Variants in IGF2R observed in about 807,000 individuals in gnomAD.
The protein encoded by IGF2R is insulin like growth factor 2 receptor.
IGF2R carries 91 observed loss-of-function variants against 270.6 expected under a neutral mutation model. The ratio of observed to expected loss-of-function variants is 0.34; its 90% CI spans 0.28 to 0.40. The LOEUF is 0.40. IGF2R is among the 10% of genes least tolerant of loss of function. IGF2R has a pLI of 1.00. For missense variants in IGF2R, 2,805 were observed against 3,188.3 expected (o/e 0.88, Z 2.90); for synonymous variants, 1,316 against 1,258.9 (o/e 1.05, Z -0.96).
At position 160,072,076 on chromosome 6, in the gene IGF2R, G is replaced by GA. The variant is rs754934239; in HGVS notation, c.4570+41dup. The GA allele has an allele frequency of 3.7e-6, 6 of 1,612,248 alleles. No homozygotes were observed. In the East Asian group the frequency reaches 1.3e-4, roughly 36 times the overall value. On this transcript the variant is annotated intron_variant, in intron 32 of 47. Transcript: ENST00000356956. ...CAGTCGTTAACCCCAGCGCAGGTGA[G>GA]AGACGGTGCCCCCACCAAACCCAGC...
rs137872075 is a variant in IGF2R, at chr6:159,990,672, C to T, written c.150-512C>T. Among the ~76,000 whole-genome samples the T allele has an allele frequency of 8.5e-4, 129 of 152,090 alleles. 3 individuals carry two copies. The East Asian group carries it at 0.014, about 16-fold the overall frequency. ...GGAGACAGAGTCTCGCACTGTTGAC[C>T]GAGCTGGAGTGCAGTGGCACGATCT... On this transcript the variant is annotated intron_variant, in intron 1 of 47. Coordinates refer to ENST00000356956, the MANE Select transcript of IGF2R (RefSeq NM_000876.4).
chr6:160,096,693 G>A (rs535381026), intron 45 of IGF2R, 68 bp downstream of exon 45: 3 of 1,262,158 alleles, frequency 2.4e-6, no homozygotes, highest in Admixed American at 2.4e-5. Flanking sequence ...GTGTATGTGT[G>A]TTTTTTCCCC....
chr6:160,058,994 T>C lies in IGF2R; in HGVS notation c.2987T>C (p.Leu996Pro). ...GCEAETQTEE[L>P]KNWKPARPVG... Reference sequence around the variant, plus strand: ...GAGGCAGAAACCCAAACTGAAGAGCTCAAGAATTGGAAGCCAGCAAGGCCA... The same window carrying C: ...GAGGCAGAAACCCAAACTGAAGAGCCCAAGAATTGGAAGCCAGCAAGGCCA... Residue 996 changes from leucine (L) to proline (P), a missense_variant, in exon 22 of 48, where the codon CTC becomes CCC. Around this residue, in one of 2 missense-constraint regions of IGF2R, gnomAD observed 1,851 missense variants for 2,207.2 expected, o/e 0.84. Transcript: ENST00000356956. 3 of 1,614,150 alleles carry C rather than the reference T, an allele frequency of 1.9e-6. No homozygotes were observed. The highest frequency in any genetic ancestry group is 2.5e-6 in the Non-Finnish European group (3 of 1,180,028).
Position 160,061,922 on chromosome 6 carries a change from G to C in IGF2R, c.3576G>C (p.Gln1192His). The C allele has an allele frequency of 4.3e-6, 7 of 1,614,092 alleles. No homozygotes were observed. The highest frequency in any genetic ancestry group is 2.7e-5 in the African/African-American group (2 of 75,034). ...FSTRITFECA[Q>H]ISGSPAFQLQ... is the part of the protein sequence containing the mutation. ...CCAGGATCACGTTTGAGTGTGCTCA[G>C]ATATCGGTGTGTGTTCAGACCAGCA... The change falls in exon 25 of 48, where the codon CAG becomes CAC. Residue 1192 changes from glutamine (Q) to histidine (H), a missense_variant. Transcript: ENST00000356956.
At chr6:159,999,119 C>T (rs1387515938) in intron 2 of IGF2R, among the ~76,000 whole-genome samples, 2 of 152,152 alleles carry the variant, frequency 1.3e-5, no homozygotes, top group Admixed American at 1.3e-4. Context: ...AGCCACATCT[C>T]AAGAAGTCAC....
rs562810196 is a variant in IGF2R at position 160,056,219 on chromosome 6, C to T, written c.2695-205C>T. 4.6e-5 allele frequency among the ~76,000 whole-genome samples: 7 copies of T among 152,216 alleles called. No individual in the cohort carries two copies. In the East Asian group the frequency reaches 1.2e-3, roughly 25 times the overall value. On this transcript the variant is annotated intron_variant, in intron 19 of 47. Transcript: ENST00000356956. The stretch of plus-strand genomic sequence containing the variant: ...ATTTCTATATTTCTGAATATCCAAG[C>T]GTAGGAGATTATTTTGTCTTCATAG...
intron 41 of IGF2R, among the ~76,000 whole-genome samples, chr6:160,087,169 G>A (rs1193171616): frequency 1.3e-5 from 2 of 152,174 alleles, no homozygotes; most frequent in East Asian, 1.9e-4. Flanking sequence ...GACAGTGCTC[G>A]ACTGAAAGCT....
intron 19 of IGF2R, among the ~76,000 whole-genome samples, chr6:160,054,325 T>C (rs1038400768): frequency 2.6e-5 from 4 of 152,192 alleles, no homozygotes; most frequent in African/African-American, 9.7e-5. Context: ...GTTGAAGACA[T>C]AACATTTAAA....
chr6:160,029,615 C>A lies in IGF2R; in HGVS notation c.842C>A (p.Ala281Glu). The change falls in exon 7 of 48, where the codon GCG becomes GAG. Residue 281 changes from alanine (A) to glutamate (E), a missense_variant. Physicochemically the swap from Ala to Glu is moderately radical, Grantham distance 107. This residue lies in a region of IGF2R where 954 missense variants were observed against 981.1 expected (regional missense o/e 0.97). Transcript: ENST00000356956. ...GACTTTTGTGATGGTCACAGCCCTGCGGTGACTATTACATTTGTTTGCCCG... is the reference window on the plus strand; with the variant it reads ...GACTTTTGTGATGGTCACAGCCCTGAGGTGACTATTACATTTGTTTGCCCG... The part of the protein sequence containing the change: ...KLDFCDGHSP[A>E]VTITFVCPSE... 6.2e-7 allele frequency: 1 copy of A among 1,613,962 alleles called. No homozygotes were observed. Among genetic ancestry groups the A allele is most frequent in the African/African-American group, 1.3e-5 (1 of 75,038 alleles).
At chr6:160,096,392 G>T in intron 44 of IGF2R, 47 bp from the exon 45 acceptor site, 1 of 1,558,036 alleles carries the variant, frequency 6.4e-7, no homozygotes. Context: ...CAGTCTGCTC[G>T]TGAAAAATGA....
At chr6:159,983,247 T>C (rs1783832961) in intron 1 of IGF2R, among the ~76,000 whole-genome samples, 1 of 152,234 alleles carries the variant, frequency 6.6e-6, no homozygotes, top group East Asian at 1.9e-4. Flanking sequence ...ATTGCGGCCC[T>C]TGCTGGAACA....
At chr6:160,099,803 G>A (rs1167121149) in intron 45 of IGF2R, among the ~76,000 whole-genome samples, 1 of 152,212 alleles carries the variant, frequency 6.6e-6, no homozygotes, top group African/African-American at 2.4e-5. Context: ...GACAACAGTG[G>A]TGTCTAAGCT....
intron 6 of IGF2R, among the ~76,000 whole-genome samples, chr6:160,027,857 C>G (rs921774122): frequency 6.6e-6 from 1 of 152,194 alleles, no homozygotes; most frequent in African/African-American, 2.4e-5. Flanking sequence ...TGACCATATC[C>G]TGAACTTCGA....
chr6:160,006,886 A>G (rs1193232103), intron 2 of IGF2R: 1 of 151,140 alleles, frequency 6.6e-6, no homozygotes, highest in Non-Finnish European at 1.5e-5. Flanking sequence ...TTTCGCTAGG[A>G]GTAATCATTA....
At chr6:160,091,116 C>T (rs1779214397) in intron 44 of IGF2R, among the ~76,000 whole-genome samples, 1 of 118,628 alleles carries the variant, frequency 8.4e-6, no homozygotes, top group Admixed American at 8.7e-5. Flanking sequence ...CTGAGCACAT[C>T]GCCGAGAAGG....
At chr6:160,060,283 G>A (rs1046511859) in intron 22 of IGF2R, among the ~76,000 whole-genome samples, 6 of 152,180 alleles carry the variant, frequency 3.9e-5, no homozygotes, top group Admixed American at 6.5e-5. Context: ...ACAGGCCACC[G>A]TTGCAGTGTG....
intron 10 of IGF2R, among the ~76,000 whole-genome samples, chr6:160,035,187 C>T (rs1278222822): frequency 1.3e-5 from 2 of 152,160 alleles, no homozygotes; most frequent in African/African-American, 2.4e-5. Context: ...CTCCAGGCAC[C>T]CTGCAGGGCA....
At chr6:160,011,954 A>C (rs955348030) in intron 4 of IGF2R, among the ~76,000 whole-genome samples, 3 of 152,246 alleles carry the variant, frequency 2.0e-5, no homozygotes, top group Admixed American at 6.5e-5. Flanking sequence ...AATTTTTACT[A>C]GTGGCCTAAT....
chr6:160,014,421 A>G (rs922370610), intron 4 of IGF2R, among the ~76,000 whole-genome samples: 16 of 152,236 alleles, frequency 1.1e-4, no homozygotes, highest in Admixed American at 2.6e-4. Flanking sequence ...CTGTTTACCA[A>G]TGCACACTCC....
Sources: gnomAD v4.1 joint callset for allele counts (sites outside exome capture counted in the v4.1 genomes callset) on GRCh38, gnomAD v4.1.1 for gene constraint, gnomAD v4.1.1 regional missense constraint, MANE v1.5 for transcripts, NCBI Gene and HGNC (gene_info 2026-07-23, HGNC 2026-07-21) for gene names.